Variants in NKAIN2 observed in about 807,000 individuals in gnomAD.
NKAIN2 encodes the protein sodium/potassium transporting ATPase interacting 2, also known as sodium/potassium-transporting ATPase subunit beta-1-interacting protein 2.
NKAIN2 carries 14 observed loss-of-function variants against 32.6 expected under a neutral mutation model. The observed-to-expected ratio is 0.43, with a 90% CI of 0.28 to 0.67. The LOEUF is 0.67. Among genes scored for constraint, NKAIN2 ranks in the 30% least tolerant of loss-of-function variants. The probability of loss-of-function intolerance (pLI) is 0.17; values close to 1 mark genes in which losing one functional copy is unlikely to be tolerated. For missense variants in NKAIN2, 198 were observed against 258.3 expected (o/e 0.77, Z 1.60); for synonymous variants, 80 against 87.2 (o/e 0.92, Z 0.46).
intron 4 of NKAIN2, among the ~76,000 whole-genome samples, chr6:124,745,052 T>G (rs1272902712): frequency 1.3e-5 from 2 of 151,816 alleles, no homozygotes; most frequent in African/African-American, 4.8e-5. Context: ...CTCTTCTGAT[T>G]TTTTTTCCAT....
At chr6:123,839,893 A>T (rs772027525) in intron 1 of NKAIN2, among the ~76,000 whole-genome samples, 3 of 152,158 alleles carry the variant, frequency 2.0e-5, no homozygotes, top group Non-Finnish European at 2.9e-5. Context: ...ACATGCTTCA[A>T]ATGTCAAGAA....
chr6:124,710,446 T>C (rs1212751099), intron 4 of NKAIN2, among the ~76,000 whole-genome samples: 1 of 151,180 alleles, frequency 6.6e-6, no homozygotes, highest in Non-Finnish European at 1.5e-5. Flanking sequence ...AGTCTCCCAT[T>C]ATTAATGCGT....
intron 5 of NKAIN2, among the ~76,000 whole-genome samples, chr6:124,796,515 A>G (rs1284589519): frequency 6.6e-6 from 1 of 152,106 alleles, no homozygotes; most frequent in Non-Finnish European, 1.5e-5. Flanking sequence ...CAGATTGAGG[A>G]TAGATGCAGC....
chr6:124,550,032 A>G (rs1456364475), intron 3 of NKAIN2, among the ~76,000 whole-genome samples: 1 of 152,128 alleles, frequency 6.6e-6, no homozygotes, highest in Non-Finnish European at 1.5e-5. Flanking sequence ...CATGAAGCTT[A>G]CCTCCATTGG....
At chr6:123,833,475 A>G (rs1422879455) in intron 1 of NKAIN2, among the ~76,000 whole-genome samples, 1 of 152,016 alleles carries the variant, frequency 6.6e-6, no homozygotes, top group Non-Finnish European at 1.5e-5. Context: ...AGTTTCTGGG[A>G]TTTTGATTTA....
At position 123,964,721 on chromosome 6, in the gene NKAIN2, C is replaced by G. The variant is rs889511559; in HGVS notation, c.54+160467C>G. On this transcript the variant is annotated intron_variant, in intron 1 of 6. Transcript: ENST00000368417. The surrounding 1 kb of genome is among the most constrained non-coding windows in gnomAD (Gnocchi z 4.0). ...CCCAGCATCTATCTAGTCTTCCTAA[C>G]CCCATCTGGAAGCTCAGCTCCACTC... Among the ~76,000 whole-genome samples the G allele has an allele frequency of 1.3e-5, 2 of 152,122 alleles. No individual in the cohort carries two copies. The highest frequency in any genetic ancestry group is 2.9e-5 in the Non-Finnish European group (2 of 68,028).
At chr6:124,706,986 C>A (rs1253474869) in intron 4 of NKAIN2, among the ~76,000 whole-genome samples, 5 of 142,738 alleles carry the variant, frequency 3.5e-5, no homozygotes, top group African/African-American at 1.3e-4. Flanking sequence ...GCTATCCGTC[C>A]CCCCTCCCCC....
At chr6:123,909,275 A>G (rs1775043283) in intron 1 of NKAIN2, among the ~76,000 whole-genome samples, 1 of 151,952 alleles carries the variant, frequency 6.6e-6, no homozygotes, top group African/African-American at 2.4e-5. Flanking sequence ...TCTGTCTCCC[A>G]CACACACTCT....
intron 4 of NKAIN2, chr6:124,658,710 A>C: frequency 1.9e-6 from 1 of 532,936 alleles, no homozygotes; most frequent in Non-Finnish European, 3.2e-6. Context: ...TTTTTTTCAT[A>C]ACGTTCTACA....
chr6:124,456,063 A>G (rs1386115232), intron 3 of NKAIN2, among the ~76,000 whole-genome samples: 1 of 151,798 alleles, frequency 6.6e-6, no homozygotes, highest in East Asian at 1.9e-4. Flanking sequence ...TCTTTCAGGT[A>G]TACCTATACT....
chr6:124,370,430 C>T (rs1433840402), intron 3 of NKAIN2, among the ~76,000 whole-genome samples: 2 of 152,000 alleles, frequency 1.3e-5, no homozygotes, highest in African/African-American at 4.8e-5. Context: ...AATAAACAGT[C>T]ATTTATAGAA....
intron 1 of NKAIN2, among the ~76,000 whole-genome samples, chr6:123,889,919 T>A (rs1215811456): frequency 6.6e-6 from 1 of 152,150 alleles, no homozygotes; most frequent in African/African-American, 2.4e-5. Context: ...GGTTGGTTTT[T>A]AATTTTTTAG....
At chr6:124,089,104 A>G (rs1396747111) in intron 1 of NKAIN2, among the ~76,000 whole-genome samples, 1 of 152,050 alleles carries the variant, frequency 6.6e-6, no homozygotes. Context: ...GATAAAGTCA[A>G]TCACCATTGA....
chr6:124,378,112 C>G (rs1800068717), intron 3 of NKAIN2, among the ~76,000 whole-genome samples: 1 of 152,134 alleles, frequency 6.6e-6, no homozygotes, highest in Non-Finnish European at 1.5e-5. Context: ...ATTCTTTACA[C>G]TTACTGAAGG....
chr6:123,807,048 G>C lies in NKAIN2; in HGVS notation c.54+2794G>C, dbSNP rs528992615. Among the ~76,000 whole-genome samples, 13 of 152,070 alleles carry C rather than the reference G, an allele frequency of 8.5e-5. No homozygotes were observed. In the South Asian group the frequency reaches 2.1e-3, roughly 24 times the overall value. Reference sequence around the variant, plus strand: ...ATTTAACAATTGAGGGACAGAGGCAGATTCTTCAGAGACATTTACCTGTCA... The same window carrying C: ...ATTTAACAATTGAGGGACAGAGGCACATTCTTCAGAGACATTTACCTGTCA... On this transcript the variant is annotated intron_variant, in intron 1 of 6. Transcript: ENST00000368417.
chr6:123,911,359 A>G (rs1278088947), intron 1 of NKAIN2, among the ~76,000 whole-genome samples: 1 of 152,056 alleles, frequency 6.6e-6, no homozygotes, highest in Non-Finnish European at 1.5e-5. Flanking sequence ...TGGAAGGTGA[A>G]AGGGAGTGGA....
chr6:124,235,891 C>A (rs1792730492), intron 1 of NKAIN2, among the ~76,000 whole-genome samples: 1 of 152,064 alleles, frequency 6.6e-6, no homozygotes, highest in Admixed American at 6.5e-5. Context: ...GCCACTGCAC[C>A]TGGCCTAGTT....
chr6:124,624,918 A>C (rs529654453), intron 3 of NKAIN2, among the ~76,000 whole-genome samples: 1 of 132,744 alleles, frequency 7.5e-6, no homozygotes, highest in East Asian at 2.1e-4. Context: ...AAATAGACTA[A>C]AGTGTCTCAT....
rs547206283 is a variant in NKAIN2 at position 123,816,739 on chromosome 6, C to A, written c.54+12485C>A. On this transcript the variant is annotated intron_variant, in intron 1 of 6. Coordinates refer to ENST00000368417, the MANE Select transcript of NKAIN2 (RefSeq NM_001040214.3). ...ACATTTGAGAATAAGGAGGTGGGTA[C>A]AGCAGAAGTGAGACACTAGAAGAGG... 1.4e-4 allele frequency among the ~76,000 whole-genome samples: 21 copies of A among 152,096 alleles called. No individual in the cohort carries two copies. The South Asian group carries it at 4.0e-3, about 29-fold the overall frequency.
Sources: gnomAD v4.1 joint callset for allele counts (sites outside exome capture counted in the v4.1 genomes callset) on GRCh38, gnomAD v4.1.1 for gene constraint, Gnocchi (gnomAD v3.1) non-coding constraint, MANE v1.5 for transcripts, NCBI Gene and HGNC (gene_info 2026-07-23, HGNC 2026-07-21) for gene names.